The following GTPBP10 variants were observed in gnomAD, a reference collection of about 807,000 sequenced individuals.
GTPBP10 encodes the protein GTP binding protein 10, also known as GTP-binding protein 10.
Under a neutral mutation model 44.8 loss-of-function variants are expected in GTPBP10, and 38 were observed. The ratio of observed to expected loss-of-function variants is 0.85; its 90% CI spans 0.65 to 1.11. The LOEUF is 1.11. Ranked by LOEUF, GTPBP10 falls within the 50% of genes most tolerant of loss-of-function variation. The pLI is 0.00. For synonymous variants in GTPBP10, 152 were observed against 150.6 expected (o/e 1.01, Z -0.07); for missense variants, 462 against 453.7 (o/e 1.02, Z -0.17).
chr7:90,372,380 G>A (rs1048032907), intron 5 of GTPBP10, 152 bp downstream of exon 5: 21 of 553,562 alleles, frequency 3.8e-5, no homozygotes, highest in Non-Finnish European at 6.1e-5. Context: ...CCAAAGTGCA[G>A]TTGCATGATC....
intron 1 of GTPBP10, among the ~76,000 whole-genome samples, chr7:90,347,984 T>C (rs1413230668): frequency 1.2e-4 from 19 of 152,080 alleles, no homozygotes; most frequent in Admixed American, 1.2e-3. Flanking sequence ...TCTTGCTACT[T>C]GGGAGGCTGA....
intron 8 of GTPBP10, among the ~76,000 whole-genome samples, chr7:90,382,054 T>C (rs964333606): frequency 3.9e-5 from 6 of 152,014 alleles, no homozygotes; most frequent in African/African-American, 1.4e-4. Context: ...AATAGACAAG[T>C]AGGATTGCAT....
chr7:90,389,406 C>G lies in GTPBP10; in HGVS notation c.*4252C>G, dbSNP rs76460686. The G allele has an allele frequency of 1.3e-5, 2 of 149,578 alleles. No homozygotes were observed. Among genetic ancestry groups the G allele is most frequent in the African/African-American group, 4.9e-5 (2 of 40,536 alleles). The allele number at this position is 149,578 out of a possible 1,614,324, so 9.3% of individuals were successfully genotyped here. A position where few individuals can be genotyped will look rare whatever the true frequency, so the allele number is the denominator to read the frequency against. Reference sequence around the variant, plus strand: ...ATTTGAATTTTTTTTTTTCCCCCCCCAGACGGAGTCTCGCTCTCTTGCCAG... The same window carrying G: ...ATTTGAATTTTTTTTTTTCCCCCCCGAGACGGAGTCTCGCTCTCTTGCCAG... On this transcript the variant is annotated 3_prime_UTR_variant, in exon 10 of 10. Coordinates refer to ENST00000222511, the MANE Select transcript of GTPBP10 (RefSeq NM_033107.4).
At chr7:90,371,505 A>G (rs1459196206) in intron 4 of GTPBP10, among the ~76,000 whole-genome samples, 2 of 152,228 alleles carry the variant, frequency 1.3e-5, no homozygotes, top group Non-Finnish European at 1.5e-5. Flanking sequence ...AGGTGCTAGT[A>G]GAAAAATGAA....
intron 4 of GTPBP10, among the ~76,000 whole-genome samples, chr7:90,362,991 A>G (rs1040949937): frequency 1.3e-5 from 2 of 152,030 alleles, no homozygotes; most frequent in African/African-American, 4.8e-5. Context: ...TGCTTGATAA[A>G]TCTTCCTCTA....
At chr7:90,366,303 G>C (rs1426005898) in intron 4 of GTPBP10, among the ~76,000 whole-genome samples, 1 of 152,172 alleles carries the variant, frequency 6.6e-6, no homozygotes, top group Non-Finnish European at 1.5e-5. Context: ...GAATGAGTTA[G>C]AGAGGATTCC....
At chr7:90,364,093 G>A (rs1376363539) in intron 4 of GTPBP10, among the ~76,000 whole-genome samples, 2 of 152,136 alleles carry the variant, frequency 1.3e-5, no homozygotes, top group African/African-American at 4.8e-5. Context: ...TCCTCCTTTA[G>A]CTCGGAGAAT....
In GTPBP10 at chr7:90,352,960, G is replaced by A; in HGVS notation, c.178G>A (p.Asp60Asn). ...CAGAATGACTTTAAAACAACTTAAA[G>A]ACAGGTATCCTCGGAAACGGTTTGT... ...QNRMTLKQLK[D>N]RYPRKRFVAG... Residue 60 changes from aspartate (D) to asparagine (N), a missense_variant, in exon 2 of 10, where the codon GAC (aspartate) becomes AAC (asparagine). Physicochemically the swap from Asp to Asn is conservative, Grantham distance 23. Coordinates refer to ENST00000222511, the MANE Select transcript of GTPBP10 (RefSeq NM_033107.4). The A allele has an allele frequency of 1.2e-6, 2 of 1,613,110 alleles. No individual in the cohort carries two copies. Among genetic ancestry groups the A allele is most frequent in the Non-Finnish European group, 1.7e-6 (2 of 1,179,512 alleles).
intron 4 of GTPBP10, among the ~76,000 whole-genome samples, chr7:90,365,258 G>T (rs1350424612): frequency 6.6e-6 from 1 of 151,930 alleles, no homozygotes; most frequent in East Asian, 1.9e-4. Context: ...TTTCTATTTG[G>T]CCATCTTGGA....
intron 4 of GTPBP10, among the ~76,000 whole-genome samples, chr7:90,359,504 A>G (rs909487275): frequency 3.3e-5 from 5 of 152,144 alleles, no homozygotes; most frequent in South Asian, 2.1e-4. Context: ...CCATTCCATG[A>G]TGTATATGTG....
intron 4 of GTPBP10, among the ~76,000 whole-genome samples, chr7:90,366,154 G>A (rs1190372013): frequency 6.6e-6 from 1 of 152,118 alleles, no homozygotes; most frequent in Non-Finnish European, 1.5e-5. Flanking sequence ...TGTGCTGCTG[G>A]GTTCGGTTTG....
At chr7:90,362,853 C>G (rs1381581074) in intron 4 of GTPBP10, among the ~76,000 whole-genome samples, 1 of 152,188 alleles carries the variant, frequency 6.6e-6, no homozygotes, top group Non-Finnish European at 1.5e-5. Context: ...ATAGTTAGCT[C>G]TTCTTGTTGA....
At chr7:90,366,242 T>C (rs914808786) in intron 4 of GTPBP10, among the ~76,000 whole-genome samples, 10 of 152,108 alleles carry the variant, frequency 6.6e-5, no homozygotes, top group African/African-American at 2.4e-4. Flanking sequence ...TTGTTGTTGT[T>C]GTTGTTGTAT....
rs187581502 is a variant in GTPBP10, at chr7:90,366,287, A to G, written c.465-5868A>G. Among the ~76,000 whole-genome samples the G allele has an allele frequency of 3.3e-5, 5 of 152,156 alleles. No individual in the cohort carries two copies. The East Asian group carries it at 9.6e-4, about 29-fold the overall frequency. On this transcript the variant is annotated intron_variant, in intron 4 of 9. Coordinates refer to ENST00000222511, the MANE Select transcript of GTPBP10 (RefSeq NM_033107.4). Reference sequence around the variant, plus strand: ...GCTTTGGTATCAGGATGATGCTAGCATCATGGAATGAGTTAGAGAGGATTC... The same window carrying G: ...GCTTTGGTATCAGGATGATGCTAGCGTCATGGAATGAGTTAGAGAGGATTC...
At chr7:90,377,942 AC>A in intron 7 of GTPBP10, 191 bp from the exon 8 acceptor site, 1 of 502,616 alleles carries the variant, frequency 2.0e-6, no homozygotes, top group Non-Finnish European at 2.6e-6. Flanking sequence ...TTTATTAATA[AC>A]TGTAATTTTA....
chr7:90,384,699 T>C (rs1026586790), intron 9 of GTPBP10, among the ~76,000 whole-genome samples, 193 bp from the exon 10 acceptor site: 1 of 152,084 alleles, frequency 6.6e-6, no homozygotes, highest in Non-Finnish European at 1.5e-5. Context: ...ATCTAACAAG[T>C]ATGTTATGTG....
chr7:90,378,118 C>T lies in GTPBP10; in HGVS notation c.700-16C>T. ...TCGTATGTTAAAGGCTGTCTCTTTC[C>T]TTCTCTTTTTTTTAGGTTGATATTT... On this transcript the variant is annotated splice_polypyrimidine_tract_variant and intron_variant, in intron 7 of 9. Coordinates refer to ENST00000222511, the MANE Select transcript of GTPBP10 (RefSeq NM_033107.4). 5 of 1,604,696 alleles carry T rather than the reference C, an allele frequency of 3.1e-6. No homozygotes were observed. Among genetic ancestry groups the T allele is most frequent in the Non-Finnish European group, 4.3e-6 (5 of 1,173,090 alleles).
chr7:90,355,707 G>A (rs1176942860), intron 4 of GTPBP10, among the ~76,000 whole-genome samples: 2 of 150,844 alleles, frequency 1.3e-5, no homozygotes, highest in East Asian at 2.0e-4. Flanking sequence ...TCAGACTTAC[G>A]CACTGTTGCC....
At position 90,387,176 on chromosome 7, in the gene GTPBP10, A is replaced by T. The variant is rs1323945477; in HGVS notation, c.*2022A>T. ...ACATGGTGAAAACCCATCTCTACTA[A>T]AATACAAAAATCAGCTGGGCATGGT... On this transcript the variant is annotated 3_prime_UTR_variant, in exon 10 of 10. Transcript: ENST00000222511. 1 of 152,026 alleles carries T rather than the reference A, an allele frequency of 6.6e-6. No homozygotes were observed. The highest frequency in any genetic ancestry group is 1.5e-5 in the Non-Finnish European group (1 of 68,032). 9.4% of individuals were successfully genotyped at this position (152,026 alleles called of 1,614,324 possible). A position where few individuals can be genotyped will look rare whatever the true frequency, so the allele number is the denominator to read the frequency against.
Sources: gnomAD v4.1 joint callset for allele counts (sites outside exome capture counted in the v4.1 genomes callset) on GRCh38, gnomAD v4.1.1 for gene constraint, MANE v1.5 for transcripts, NCBI Gene and HGNC (gene_info 2026-07-23, HGNC 2026-07-21) for gene names.